MGMT: variants seen among roughly 807,000 people sequenced by gnomAD.
MGMT encodes the protein methylated-DNA--protein-cysteine methyltransferase.
In MGMT, 14 loss-of-function variants were observed where a neutral mutation model predicts 15.9. That is an observed-to-expected ratio of 0.88 (90% CI 0.58 to 1.37). MGMT has a LOEUF of 1.37. Ranked by LOEUF, MGMT falls within the 40% of genes most tolerant of loss-of-function variation. The probability of loss-of-function intolerance (pLI) is 0.00; values close to 1 mark genes in which losing one functional copy is unlikely to be tolerated. For synonymous variants in MGMT, 130 were observed against 118.2 expected (o/e 1.10, Z -0.65); for missense variants, 282 against 268.1 (o/e 1.05, Z -0.36).
In MGMT at chr10:129,607,110, T is replaced by G. The variant is rs188302364; in HGVS notation, c.125+70733T>G. Among the ~76,000 whole-genome samples, 24 of 152,264 alleles carry G rather than the reference T, an allele frequency of 1.6e-4. No individual in the cohort carries two copies. In the East Asian group the frequency reaches 4.5e-3, roughly 28 times the overall value. ...GAGGTAGGTGGAGATGGCTTTGACT[T>G]TTGTTCAACTTACAAGGGAGTAACT... On this transcript the variant is annotated intron_variant, in intron 2 of 4. Coordinates refer to ENST00000651593, the MANE Select transcript of MGMT (RefSeq NM_002412.5).
At chr10:129,570,441 G>A (rs571754956) in intron 2 of MGMT, among the ~76,000 whole-genome samples, 11 of 152,382 alleles carry the variant, frequency 7.2e-5, no homozygotes, top group East Asian at 1.9e-4. Context: ...CTGTGCCCAC[G>A]TGTCACGAGG....
At chr10:129,499,922 T>G (rs545029563) in intron 1 of MGMT, among the ~76,000 whole-genome samples, 1 of 152,352 alleles carries the variant, frequency 6.6e-6, no homozygotes, top group Non-Finnish European at 1.5e-5. Context: ...TTGTTGGATA[T>G]ATGCGTGAAA....
chr10:129,510,454 C>T (rs915513743), intron 1 of MGMT, among the ~76,000 whole-genome samples: 3 of 152,078 alleles, frequency 2.0e-5, no homozygotes, highest in Non-Finnish European at 4.4e-5. Flanking sequence ...ATAGGAACCA[C>T]GTGTCTTGGG....
intron 2 of MGMT, among the ~76,000 whole-genome samples, chr10:129,586,769 ATGGG>A (rs1846623111): frequency 6.6e-6 from 1 of 152,194 alleles, no homozygotes; most frequent in Non-Finnish European, 1.5e-5. Context: ...CCTATGGGCA[ATGGG>A]TGTTTAGCAT....
chr10:129,688,098 G>T (rs771465698), intron 2 of MGMT, among the ~76,000 whole-genome samples: 4 of 152,132 alleles, frequency 2.6e-5, no homozygotes, highest in Admixed American at 6.5e-5. Flanking sequence ...AGTCTATCAT[G>T]GATGGACATT....
At chr10:129,650,177 G>A (rs1375602600) in intron 2 of MGMT, among the ~76,000 whole-genome samples, 1 of 152,210 alleles carries the variant, frequency 6.6e-6, no homozygotes, top group Non-Finnish European at 1.5e-5. Flanking sequence ...TGGATGACGG[G>A]TCCTAGTGGT....
At chr10:129,618,722 A>G (rs1009090011) in intron 2 of MGMT, among the ~76,000 whole-genome samples, 1 of 56,402 alleles carries the variant, frequency 1.8e-5, no homozygotes, top group Non-Finnish European at 5.5e-5. Flanking sequence ...AAATTTATCC[A>G]TAAGTTTTTC....
chr10:129,745,123 A>G (rs1173931894), intron 3 of MGMT, among the ~76,000 whole-genome samples: 6 of 152,124 alleles, frequency 3.9e-5, no homozygotes, highest in African/African-American at 1.4e-4. Flanking sequence ...TGTGACCTAG[A>G]TTCCCTTTTA....
chr10:129,712,130 C>G (rs1461971583), intron 3 of MGMT, among the ~76,000 whole-genome samples: 2 of 152,174 alleles, frequency 1.3e-5, no homozygotes, highest in African/African-American at 4.8e-5. Flanking sequence ...GGCACGTCCT[C>G]AGGTCCCTGA....
intron 2 of MGMT, chr10:129,563,895 T>G (rs892296612): frequency 6.6e-6 from 1 of 152,264 alleles, no homozygotes; most frequent in Non-Finnish European, 1.5e-5. Context: ...AACTTTCCAC[T>G]GAGTATCCGC....
At chr10:129,673,945 G>A (rs1159883804) in intron 2 of MGMT, among the ~76,000 whole-genome samples, 1 of 152,150 alleles carries the variant, frequency 6.6e-6, no homozygotes, top group African/African-American at 2.4e-5. Flanking sequence ...AAGCAGCAGT[G>A]TGGTTGCTTC....
chr10:129,566,578 CT>C lies in MGMT; in HGVS notation c.125+30202del, dbSNP rs1846356767. Reference sequence around the variant, plus strand: ...TCATCATCCTGGTGGAGGTGTTGCACTGAGGACCACAGCAGCCCTCGCATTC... The same window carrying C: ...TCATCATCCTGGTGGAGGTGTTGCACGAGGACCACAGCAGCCCTCGCATTC... On this transcript the variant is annotated intron_variant, in intron 2 of 4. Coordinates refer to ENST00000651593, the MANE Select transcript of MGMT (RefSeq NM_002412.5). This position sits in a 1 kb window ranked among gnomAD's most constrained non-coding sequence, Gnocchi z 4.1. Among the ~76,000 whole-genome samples the C allele has an allele frequency of 6.6e-6, 1 of 152,148 alleles. No individual in the cohort carries two copies. The highest frequency in any genetic ancestry group is 2.4e-5 in the African/African-American group (1 of 41,438).
chr10:129,609,077 C>A (rs1205555300), intron 2 of MGMT, among the ~76,000 whole-genome samples: 4 of 152,186 alleles, frequency 2.6e-5, no homozygotes, highest in African/African-American at 9.7e-5. Context: ...CAGGTCCGGG[C>A]TCAGTGGCTT....
At chr10:129,653,114 C>T (rs1388673872) in intron 2 of MGMT, among the ~76,000 whole-genome samples, 5 of 152,160 alleles carry the variant, frequency 3.3e-5, no homozygotes, top group Non-Finnish European at 5.9e-5. Context: ...AAACATGGTC[C>T]GGGTTATACA....
chr10:129,718,512 AGAGT>A (rs1292319703), intron 3 of MGMT, among the ~76,000 whole-genome samples: 1 of 151,600 alleles, frequency 6.6e-6, no homozygotes, highest in Admixed American at 6.6e-5. Flanking sequence ...AGCTGACCCG[AGAGT>A]GAGTGTCTCT....
intron 4 of MGMT, among the ~76,000 whole-genome samples, chr10:129,762,971 C>T (rs578085861): frequency 2.0e-5 from 3 of 152,098 alleles, no homozygotes; most frequent in African/African-American, 4.8e-5. Context: ...CCCTTGTGGG[C>T]TGCTGCCCAG....
chr10:129,530,248 C>T (rs971343713), intron 1 of MGMT, among the ~76,000 whole-genome samples: 4 of 152,018 alleles, frequency 2.6e-5, no homozygotes, highest in Admixed American at 6.6e-5. Context: ...AAAGTTGACT[C>T]GTACTAACTG....
intron 2 of MGMT, among the ~76,000 whole-genome samples, chr10:129,574,035 G>A (rs1458036828): frequency 1.3e-5 from 2 of 152,132 alleles, no homozygotes; most frequent in Non-Finnish European, 2.9e-5. Flanking sequence ...CCGACCCAAC[G>A]ACAAAATAAC....
intron 2 of MGMT, among the ~76,000 whole-genome samples, chr10:129,706,655 AGAAATCG>A (rs1445235422): frequency 6.6e-6 from 1 of 152,142 alleles, no homozygotes; most frequent in Non-Finnish European, 1.5e-5. Flanking sequence ...AGTCACCTGA[AGAAATCG>A]GACCCAGGGC....
Sources: gnomAD v4.1 joint callset for allele counts (sites outside exome capture counted in the v4.1 genomes callset) on GRCh38, gnomAD v4.1.1 for gene constraint, Gnocchi (gnomAD v3.1) non-coding constraint, MANE v1.5 for transcripts, NCBI Gene and HGNC (gene_info 2026-07-23, HGNC 2026-07-21) for gene names.